Variants in DENND1B observed in about 807,000 individuals in gnomAD.
DENND1B encodes the protein DENN domain containing 1B, also known as DENN domain-containing protein 1B.
DENND1B carries 59 observed loss-of-function variants against 90.1 expected under a neutral mutation model. The ratio of observed to expected loss-of-function variants is 0.65; its 90% CI spans 0.53 to 0.81. DENND1B has a LOEUF of 0.81. Among genes scored for constraint, DENND1B ranks in the 40% least tolerant of loss-of-function variants. DENND1B has a pLI of 0.00. For missense variants in DENND1B, 862 were observed against 912.6 expected (o/e 0.94, Z 0.71); for synonymous variants, 337 against 324.6 (o/e 1.04, Z -0.41).
intron 10 of DENND1B, among the ~76,000 whole-genome samples, chr1:197,641,844 T>C (rs912753411): frequency 5.9e-5 from 9 of 152,030 alleles, no homozygotes; most frequent in African/African-American, 2.2e-4. Context: ...AATGCTAAAA[T>C]ACAGATTAAG....
chr1:197,592,108 C>CAAAAAAA (rs71286564), intron 14 of DENND1B, among the ~76,000 whole-genome samples: 3 of 55,808 alleles, frequency 5.4e-5, no homozygotes, highest in Admixed American at 2.8e-4. Flanking sequence ...GATTCCATCT[C>CAAAAAAA]AAAAAAAAAA....
chr1:197,627,280 T>C (rs988563138), intron 10 of DENND1B, among the ~76,000 whole-genome samples: 2 of 152,122 alleles, frequency 1.3e-5, no homozygotes, highest in Non-Finnish European at 2.9e-5. Flanking sequence ...AAATCCTCAA[T>C]AGAATACTGG....
At chr1:197,538,126 G>A (rs1030867412) in intron 20 of DENND1B, among the ~76,000 whole-genome samples, 6 of 152,044 alleles carry the variant, frequency 3.9e-5, no homozygotes, top group African/African-American at 1.4e-4. Flanking sequence ...TATAAATAAT[G>A]TTTTTTTACA....
Position 197,701,833 on chromosome 1 carries a change from TTAAGAG to T in DENND1B, c.126+13192_126+13197del, listed in dbSNP as rs148981268. ...TTTGGTAAAATTTTTCATCTCTAAT[TTAAGAG>T]TAACAATCAAAAATATAACTTAAAA... On this transcript the variant is annotated intron_variant, in intron 3 of 22. Transcript: ENST00000620048. Among the ~76,000 whole-genome samples the T allele has an allele frequency of 7.0e-3, 1,071 of 152,256 alleles. 21 individuals are homozygous for T. Among genetic ancestry groups the T allele is most frequent in the African/African-American group, 0.024 (1,005 of 41,540 alleles).
intron 10 of DENND1B, among the ~76,000 whole-genome samples, chr1:197,625,539 G>A (rs1246255576): frequency 6.6e-6 from 1 of 151,176 alleles, no homozygotes; most frequent in East Asian, 1.9e-4. Context: ...AGGAACAACC[G>A]GTACCAGCCA....
chr1:197,572,189 T>C (rs554857833), intron 15 of DENND1B, among the ~76,000 whole-genome samples: 1 of 152,240 alleles, frequency 6.6e-6, no homozygotes, highest in South Asian at 2.1e-4. Flanking sequence ...AGACTGTACC[T>C]GGAAAAACGG....
chr1:197,681,198 G>T (rs911516800), intron 3 of DENND1B, among the ~76,000 whole-genome samples: 2 of 152,032 alleles, frequency 1.3e-5, no homozygotes, highest in Admixed American at 6.6e-5. Flanking sequence ...CATGCATTTT[G>T]TAAGTAGGTA....
chr1:197,769,813 TA>T (rs1271720266), intron 2 of DENND1B, among the ~76,000 whole-genome samples: 1 of 152,182 alleles, frequency 6.6e-6, no homozygotes. Flanking sequence ...AGAGCCTCAT[TA>T]AAACAAATAG....
the DENND1B span, among the ~76,000 whole-genome samples, chr1:197,781,970 T>C: frequency 6.6e-6 from 1 of 152,146 alleles, no homozygotes; most frequent in East Asian, 1.9e-4. Flanking sequence ...TTGCCAAAAA[T>C]TGTAAATAAA....
At chr1:197,704,938 G>T (rs768602810) in intron 3 of DENND1B, among the ~76,000 whole-genome samples, 1 of 152,064 alleles carries the variant, frequency 6.6e-6, no homozygotes, top group Non-Finnish European at 1.5e-5. Context: ...CAAGCACTGT[G>T]ACCTCAGGTA....
intron 10 of DENND1B, among the ~76,000 whole-genome samples, chr1:197,641,286 A>G (rs778853779): frequency 6.6e-6 from 1 of 152,176 alleles, no homozygotes; most frequent in Non-Finnish European, 1.5e-5. Flanking sequence ...AAAAAAAATC[A>G]TGTTTAAAAA....
intron 5 of DENND1B, among the ~76,000 whole-genome samples, chr1:197,661,437 A>G (rs59213932): frequency 3.7e-4 from 56 of 152,136 alleles, no homozygotes; most frequent in African/African-American, 1.3e-3. Flanking sequence ...AGAAATTGCT[A>G]TTTCCAGACA....
In DENND1B at chr1:197,510,257, C is replaced by A. The variant is rs1667928182; in HGVS notation, c.*203G>T. 3 of 598,110 alleles carry A rather than the reference C, an allele frequency of 5.0e-6. No homozygotes were observed. Among genetic ancestry groups the A allele is most frequent in the South Asian group, 4.9e-5 (2 of 40,800 alleles). The allele number at this position is 598,110 out of a possible 1,614,324, so 37.1% of individuals were successfully genotyped here. A position where few individuals can be genotyped will look rare whatever the true frequency, so the allele number is the denominator to read the frequency against. The stretch of plus-strand genomic sequence containing the variant: ...TTTAAACATACATACACACTAGTAC[C>A]TGATTTAAAAGCACAGTAGAATTCG... On this transcript the variant is annotated 3_prime_UTR_variant, in exon 23 of 23. Coordinates refer to ENST00000620048, the MANE Select transcript of DENND1B (RefSeq NM_001195215.2).
intron 12 of DENND1B, among the ~76,000 whole-genome samples, chr1:197,608,579 A>T (rs1171340617): frequency 6.6e-6 from 1 of 150,648 alleles, no homozygotes; most frequent in Non-Finnish European, 1.5e-5. Flanking sequence ...GTGTGAAAAA[A>T]CATGTCATAA....
chr1:197,558,643 T>C (rs934975376), intron 15 of DENND1B, among the ~76,000 whole-genome samples: 1 of 151,832 alleles, frequency 6.6e-6, no homozygotes, highest in Non-Finnish European at 1.5e-5. Flanking sequence ...GGTTTGCAGG[T>C]TTCCTTTCAA....
In DENND1B at chr1:197,640,980, C is replaced by T. The variant is rs146733739; in HGVS notation, c.672+1731G>A. On this transcript the variant is annotated intron_variant, in intron 10 of 22. Transcript: ENST00000620048. ...ACAAAATACTACCTCATTGGAGAGG[C>T]CTTCCTTACATAAAATGGAAACCTG... Among the ~76,000 whole-genome samples, 112 of 152,290 alleles carry T rather than the reference C, an allele frequency of 7.4e-4. 1 individual carries two copies. Among genetic ancestry groups the T allele is most frequent in the African/African-American group, 2.5e-3 (103 of 41,558 alleles).
intron 2 of DENND1B, among the ~76,000 whole-genome samples, chr1:197,717,288 C>T (rs1660737257): frequency 6.6e-6 from 1 of 151,916 alleles, no homozygotes; most frequent in African/African-American, 2.4e-5. Context: ...GGATTACTTT[C>T]CAGATACTCA....
chr1:197,756,682 GTCACT>G (rs1654343757), intron 2 of DENND1B, among the ~76,000 whole-genome samples: 1 of 150,818 alleles, frequency 6.6e-6, no homozygotes, highest in Non-Finnish European at 1.5e-5. Flanking sequence ...AAAAGCATGG[GTCACT>G]AATAATAAAC....
At chr1:197,662,564 C>A (rs1654518721) in intron 5 of DENND1B, among the ~76,000 whole-genome samples, 1 of 151,844 alleles carries the variant, frequency 6.6e-6, no homozygotes, top group Non-Finnish European at 1.5e-5. Context: ...TATAGCGAGC[C>A]TTTTTTAAAA....
Sources: allele counts gnomAD v4.1 joint callset (sites outside exome capture counted in the v4.1 genomes callset), GRCh38; gene constraint gnomAD v4.1.1; transcripts MANE v1.5; gene names NCBI Gene and HGNC (gene_info 2026-07-23, HGNC 2026-07-21).